Variants in BACH2 observed in about 807,000 individuals in gnomAD.
BACH2 encodes the protein transcription regulator protein BACH2.
A neutral mutation model predicts 61.8 loss-of-function variants in BACH2; 5 were observed. The ratio of observed to expected loss-of-function variants is 0.08; its 90% CI spans 0.04 to 0.17. The LOEUF (loss-of-function observed/expected upper bound fraction) is 0.17. BACH2 is among the 10% of genes least tolerant of loss of function. The pLI, the probability that BACH2 is intolerant of heterozygous loss-of-function variation, is 1.00. For synonymous variants in BACH2, 446 were observed against 440.1 expected (o/e 1.01, Z -0.17); for missense variants, 824 against 1,091.1 (o/e 0.76, Z 3.45).
intron 5 of BACH2, among the ~76,000 whole-genome samples, chr6:90,063,366 A>G (rs894961843): frequency 2.0e-5 from 3 of 152,220 alleles, no homozygotes; most frequent in African/African-American, 7.2e-5. Flanking sequence ...GAAGCATGAA[A>G]TATCACATCA....
chr6:90,213,203 G>A lies in BACH2; in HGVS notation c.-274-6522C>T, dbSNP rs577803512. Among the ~76,000 whole-genome samples the A allele has an allele frequency of 2.0e-5, 3 of 152,298 alleles. No individual in the cohort carries two copies. The South Asian group carries it at 6.2e-4, about 32-fold the overall frequency. On this transcript the variant is annotated intron_variant, in intron 3 of 8. Transcript: ENST00000257749. The stretch of plus-strand genomic sequence containing the variant: ...AGACAGTGAGGAATGGGGCATCCGG[G>A]GAGTCTGCTACTCAGCTCTAGCCCC...
At chr6:90,260,071 T>C (rs1451430718) in intron 2 of BACH2, among the ~76,000 whole-genome samples, 1 of 152,162 alleles carries the variant, frequency 6.6e-6, no homozygotes, top group Non-Finnish European at 1.5e-5. Context: ...GTTCTGATTT[T>C]TATTTCTTTC....
intron 5 of BACH2, among the ~76,000 whole-genome samples, chr6:90,058,059 G>T (rs1383818125): frequency 2.0e-5 from 3 of 152,144 alleles, no homozygotes; most frequent in South Asian, 2.1e-4. Flanking sequence ...TTGAAAACTG[G>T]CACAAGACAG....
intron 1 of BACH2, among the ~76,000 whole-genome samples, chr6:90,275,223 T>C (rs1342703091): frequency 6.6e-6 from 1 of 152,226 alleles, no homozygotes; most frequent in Non-Finnish European, 1.5e-5. Flanking sequence ...TCTAAAACTT[T>C]GCTTTGTTCT....
intron 5 of BACH2, among the ~76,000 whole-genome samples, chr6:90,053,606 G>C (rs1780163990): frequency 6.6e-6 from 1 of 152,198 alleles, no homozygotes; most frequent in African/African-American, 2.4e-5. Context: ...AGTTCCTTCA[G>C]TGTAAGTCTG....
intron 1 of BACH2, among the ~76,000 whole-genome samples, chr6:90,287,816 A>G (rs148907644): frequency 6.6e-6 from 1 of 152,236 alleles, no homozygotes. Context: ...GATGCTTCAG[A>G]AAAGTAACAC....
intron 5 of BACH2, among the ~76,000 whole-genome samples, chr6:90,018,949 C>T (rs1778227744): frequency 6.6e-6 from 1 of 152,126 alleles, no homozygotes; most frequent in Admixed American, 6.5e-5. Context: ...ATTTTCTATT[C>T]TGGCTTCTTA....
intron 4 of BACH2, among the ~76,000 whole-genome samples, chr6:90,130,578 CAG>C (rs1192219114): frequency 1.3e-5 from 2 of 152,172 alleles, no homozygotes; most frequent in East Asian, 3.8e-4. Context: ...ATCATGCTAA[CAG>C]AATAGCAGAA....
rs890564512 is a variant in BACH2, at chr6:90,205,444, C to T, written c.-162+1125G>A. Among the ~76,000 whole-genome samples, 7 of 152,106 alleles carry T rather than the reference C, an allele frequency of 4.6e-5. No homozygotes were observed. In the South Asian group the frequency reaches 6.2e-4, roughly 14 times the overall value. On this transcript the variant is annotated intron_variant, in intron 4 of 8. Coordinates refer to ENST00000257749, the MANE Select transcript of BACH2 (RefSeq NM_021813.4). Reference sequence around the variant, plus strand: ...TCCAACCAAGGGGTAATTCTGTCCCCGTATGGGACATTGGGCAATAATCTG... The same window carrying T: ...TCCAACCAAGGGGTAATTCTGTCCCTGTATGGGACATTGGGCAATAATCTG...
At chr6:89,932,959 G>C in intron 8 of BACH2, 69 bp from the exon 9 acceptor site, 1 of 1,482,440 alleles carries the variant, frequency 6.7e-7, no homozygotes, top group Non-Finnish European at 9.0e-7. Context: ...CCTCGTTTCA[G>C]GTTTTCCAGC....
chr6:90,268,579 G>T (rs1426897468), intron 2 of BACH2, among the ~76,000 whole-genome samples: 1 of 151,910 alleles, frequency 6.6e-6, no homozygotes, highest in Non-Finnish European at 1.5e-5. Flanking sequence ...GTTTAATCAG[G>T]CTTATGTTTT....
intron 4 of BACH2, among the ~76,000 whole-genome samples, chr6:90,196,096 A>C (rs959850932): frequency 6.6e-6 from 1 of 152,140 alleles, no homozygotes; most frequent in African/African-American, 2.4e-5. Context: ...AATGAGCCAC[A>C]ATTTGAACAA....
chr6:90,031,547 T>C (rs1276226910), intron 5 of BACH2, among the ~76,000 whole-genome samples: 1 of 152,088 alleles, frequency 6.6e-6, no homozygotes, highest in Admixed American at 6.6e-5. Flanking sequence ...ATGAGCATTC[T>C]TATACACCAA....
At chr6:89,947,694 T>C (rs1773818897) in intron 7 of BACH2, among the ~76,000 whole-genome samples, 1 of 151,776 alleles carries the variant, frequency 6.6e-6, no homozygotes, top group Non-Finnish European at 1.5e-5. Context: ...GCCTCCTGAG[T>C]AGCTGGGACT....
At chr6:90,021,299 TAAA>T (rs200724602) in intron 5 of BACH2, among the ~76,000 whole-genome samples, 9 of 100,232 alleles carry the variant, frequency 9.0e-5, no homozygotes, top group African/African-American at 2.3e-4. Flanking sequence ...AGCAAAAAAG[TAAA>T]AAAAAAAAAA....
intron 3 of BACH2, among the ~76,000 whole-genome samples, chr6:90,213,131 T>C (rs1200771723): frequency 1.3e-5 from 2 of 152,134 alleles, no homozygotes; most frequent in Non-Finnish European, 2.9e-5. Flanking sequence ...TTCAGATGAC[T>C]GCAAGGGTCA....
chr6:90,278,878 A>G (rs760165962), intron 1 of BACH2, among the ~76,000 whole-genome samples: 2 of 152,124 alleles, frequency 1.3e-5, no homozygotes, highest in Non-Finnish European at 2.9e-5. Flanking sequence ...ATAATTTTAA[A>G]TTTCTAGTAG....
chr6:90,072,379 T>C (rs1192915848), intron 5 of BACH2, among the ~76,000 whole-genome samples: 4 of 152,224 alleles, frequency 2.6e-5, no homozygotes, highest in African/African-American at 9.6e-5. Flanking sequence ...TCCAGGGTCT[T>C]TGCCCCATTA....
intron 5 of BACH2, among the ~76,000 whole-genome samples, chr6:90,079,718 C>T (rs1482238472): frequency 6.6e-6 from 1 of 152,152 alleles, no homozygotes; most frequent in Non-Finnish European, 1.5e-5. Context: ...ATTTGTATGA[C>T]TCTTATTTTT....
Sources: gnomAD v4.1 joint callset for allele counts (sites outside exome capture counted in the v4.1 genomes callset) on GRCh38, gnomAD v4.1.1 for gene constraint, MANE v1.5 for transcripts, NCBI Gene and HGNC (gene_info 2026-07-23, HGNC 2026-07-21) for gene names.